Variants in NELL1 observed in about 807,000 individuals in gnomAD.
The protein encoded by NELL1 is protein kinase C-binding protein NELL1.
NELL1 carries 76 observed loss-of-function variants against 107.4 expected under a neutral mutation model. The observed-to-expected ratio is 0.71, with a 90% CI of 0.59 to 0.86. The LOEUF is 0.86. Ranked by LOEUF, NELL1 falls within the 40% of genes least tolerant of loss-of-function variation. The pLI, the probability that NELL1 is intolerant of heterozygous loss-of-function variation, is 0.00. For synonymous variants in NELL1, 353 were observed against 341.2 expected (o/e 1.03, Z -0.38); for missense variants, 1,024 against 1,005.5 (o/e 1.02, Z -0.25).
chr11:20,974,839 AT>A (rs1851572102), intron 12 of NELL1, among the ~76,000 whole-genome samples: 1 of 152,316 alleles, frequency 6.6e-6, no homozygotes, highest in South Asian at 2.1e-4. Context: ...AAATGCTTAA[AT>A]TTAAAAAAGA....
intron 12 of NELL1, among the ~76,000 whole-genome samples, chr11:20,986,834 A>C (rs1851863355): frequency 6.6e-6 from 1 of 152,176 alleles, no homozygotes; most frequent in Non-Finnish European, 1.5e-5. Context: ...CTCTTTAAGA[A>C]AATTAGGGAA....
intron 15 of NELL1, among the ~76,000 whole-genome samples, chr11:21,424,944 A>G (rs1852783242): frequency 6.6e-6 from 1 of 152,218 alleles, no homozygotes; most frequent in Admixed American, 6.5e-5. Context: ...CTATGAGGCC[A>G]GGAGTACTTT....
chr11:21,276,921 G>T (rs11025997), intron 14 of NELL1, among the ~76,000 whole-genome samples: 1 of 147,996 alleles, frequency 6.8e-6, no homozygotes, highest in Non-Finnish European at 1.5e-5. Flanking sequence ...AGACTTAAAT[G>T]TTAGACCTAA....
chr11:21,047,664 G>C (rs1329495671), intron 12 of NELL1, among the ~76,000 whole-genome samples: 3 of 152,102 alleles, frequency 2.0e-5, no homozygotes, highest in Admixed American at 1.3e-4. Context: ...ATTCTTTCGT[G>C]TTATTGTATT....
chr11:21,565,840 G>A (rs1025103132), intron 17 of NELL1, among the ~76,000 whole-genome samples: 2 of 151,902 alleles, frequency 1.3e-5, no homozygotes, highest in East Asian at 1.9e-4. Flanking sequence ...TACCCCAGGT[G>A]TTAGGACTAA....
At chr11:21,340,644 C>T (rs954335336) in intron 14 of NELL1, among the ~76,000 whole-genome samples, 3 of 151,382 alleles carry the variant, frequency 2.0e-5, no homozygotes, top group Non-Finnish European at 4.4e-5. Context: ...CACACACACA[C>T]ACACACACAC....
rs375725276 is a variant in NELL1, at chr11:21,229,401, G to A, written c.1496G>A (p.Gly499Glu). 3 of 1,614,032 alleles carry A rather than the reference G, an allele frequency of 1.9e-6. No individual in the cohort carries two copies. The highest frequency in any genetic ancestry group is 2.5e-6 in the Non-Finnish European group (3 of 1,179,946). ...GCCATCTGCACCAACACTGTCCAGG[G>A]ACACAGCTGCACCTGCAAACCGGGC... The part of the protein sequence containing the change: ...ENAICTNTVQ[G>E]HSCTCKPGYV... Residue 499 changes from glycine (G) to glutamate (E), a missense_variant, in exon 14 of 20, where the codon GGA (glycine) becomes GAA (glutamate). Gly to Glu is a moderately conservative substitution (Grantham distance 98, BLOSUM62 -2). Transcript: ENST00000357134.
intron 14 of NELL1, among the ~76,000 whole-genome samples, chr11:21,239,638 C>T (rs911768505): frequency 3.3e-5 from 5 of 151,974 alleles, no homozygotes; most frequent in African/African-American, 1.2e-4. Context: ...TGGAATAGTA[C>T]CCTACCACTG....
chr11:21,488,405 T>G (rs891183563), intron 15 of NELL1, among the ~76,000 whole-genome samples: 1 of 152,122 alleles, frequency 6.6e-6, no homozygotes, highest in African/African-American at 2.4e-5. Flanking sequence ...GCCTTCAGCT[T>G]TGATTCTGGA....
chr11:21,188,979 G>T (rs1310408622), intron 13 of NELL1, among the ~76,000 whole-genome samples: 2 of 151,556 alleles, frequency 1.3e-5, no homozygotes, highest in Admixed American at 6.6e-5. Flanking sequence ...TCATTTTCAC[G>T]CATGTTTTAT....
At chr11:21,320,335 G>A (rs1387186566) in intron 14 of NELL1, among the ~76,000 whole-genome samples, 1 of 152,150 alleles carries the variant, frequency 6.6e-6, no homozygotes, top group Non-Finnish European at 1.5e-5. Flanking sequence ...GAGATCATGG[G>A]AAGAGATGGA....
At chr11:21,263,151 T>C (rs1420305986) in intron 14 of NELL1, among the ~76,000 whole-genome samples, 1 of 151,894 alleles carries the variant, frequency 6.6e-6, no homozygotes, top group Admixed American at 6.6e-5. Context: ...ATAGTGATAA[T>C]GAAGTGTTCT....
intron 3 of NELL1, among the ~76,000 whole-genome samples, chr11:20,837,008 C>A (rs1358737985): frequency 6.6e-6 from 1 of 152,026 alleles, no homozygotes; most frequent in Non-Finnish European, 1.5e-5. Flanking sequence ...CAGAATGTAA[C>A]AGAATATCTA....
intron 12 of NELL1, among the ~76,000 whole-genome samples, chr11:20,982,274 C>A (rs1851765505): frequency 6.6e-6 from 1 of 152,084 alleles, no homozygotes; most frequent in South Asian, 2.1e-4. Context: ...GGTAGAGATG[C>A]CTGCTCAAAT....
Position 20,996,090 on chromosome 11 carries a change from A to T in NELL1, c.1300+35530A>T, listed in dbSNP as rs138989222. Among the ~76,000 whole-genome samples the T allele has an allele frequency of 3.6e-3, 545 of 152,356 alleles. 4 individuals carry two copies. Among genetic ancestry groups the T allele is most frequent in the African/African-American group, 0.012 (515 of 41,582 alleles). On this transcript the variant is annotated intron_variant, in intron 12 of 19. Coordinates refer to ENST00000357134, the MANE Select transcript of NELL1 (RefSeq NM_006157.5). ...TAATGTATAAGAATTTATTTTCTTC[A>T]GTATGATCTCATTCTCATTCCCTGT...
At chr11:21,334,576 A>T (rs1850344655) in intron 14 of NELL1, among the ~76,000 whole-genome samples, 1 of 151,820 alleles carries the variant, frequency 6.6e-6, no homozygotes, top group Non-Finnish European at 1.5e-5. Flanking sequence ...CCCTATTTCT[A>T]AGTCCCTCTC....
intron 16 of NELL1, among the ~76,000 whole-genome samples, chr11:21,543,867 T>G (rs548581207): frequency 6.6e-6 from 1 of 152,168 alleles, no homozygotes; most frequent in African/African-American, 2.4e-5. Context: ...ACAGCCTAGC[T>G]GGGCTGACAG....
chr11:20,803,990 G>C (rs1477398910), intron 3 of NELL1, among the ~76,000 whole-genome samples: 1 of 152,068 alleles, frequency 6.6e-6, no homozygotes, highest in Non-Finnish European at 1.5e-5. Flanking sequence ...AACTCGGACT[G>C]ACTCTCCTTG....
intron 12 of NELL1, among the ~76,000 whole-genome samples, chr11:21,102,161 A>G (rs1187399915): frequency 6.6e-6 from 1 of 152,164 alleles, no homozygotes; most frequent in East Asian, 1.9e-4. Flanking sequence ...CCAAAGTACA[A>G]TGTTTCTTAA....
Sources: allele counts gnomAD v4.1 joint callset (sites outside exome capture counted in the v4.1 genomes callset), GRCh38; gene constraint gnomAD v4.1.1; transcripts MANE v1.5; gene names NCBI Gene and HGNC (gene_info 2026-07-23, HGNC 2026-07-21).